ANKRD53: variants seen among roughly 807,000 people sequenced by gnomAD.
ANKRD53 encodes the protein ankyrin repeat domain 53.
In ANKRD53, 27 loss-of-function variants were observed where a neutral mutation model predicts 30.1. That is an observed-to-expected ratio of 0.90 (90% CI 0.66 to 1.24). ANKRD53 has a LOEUF of 1.24. Among genes scored for constraint, ANKRD53 ranks in the 50% most tolerant of loss-of-function variants. ANKRD53 has a pLI of 0.00. For synonymous variants in ANKRD53, 286 were observed against 295.4 expected, an observed-to-expected ratio of 0.97 and a Z score of 0.33; for missense variants, 682 against 721.0, an observed-to-expected ratio of 0.95 and a Z score of 0.62.
chr2:70,978,860 C>T lies in ANKRD53; in HGVS notation c.170+45C>T, dbSNP rs566498186. The T allele has an allele frequency of 2.4e-5, 37 of 1,529,726 alleles. No individual in the cohort carries two copies. The highest frequency in any genetic ancestry group is 3.1e-5 in the Non-Finnish European group (35 of 1,137,142). 94.8% of individuals were successfully genotyped at this position (1,529,726 alleles called of 1,614,324 possible). ...GTCCCGGCTGCAGGGAGCGAGAACC[C>T]GGCCCAGCGCCTCCCTGGTGGGCAG... On this transcript the variant is annotated intron_variant, in intron 1 of 5. Transcript: ENST00000360589. The surrounding 1 kb of genome is among the most constrained non-coding windows in gnomAD (Gnocchi z 4.3).
At chr2:70,981,645 T>C (rs1383174847) in intron 3 of ANKRD53, among the ~76,000 whole-genome samples, 8 of 152,096 alleles carry the variant, frequency 5.3e-5, no homozygotes, top group African/African-American at 1.9e-4. Context: ...AGGGGGCTGG[T>C]TGGTTTAAGA....
intron 5 of ANKRD53, chr2:70,984,110 T>C: frequency 6.2e-7 from 1 of 1,609,140 alleles, no homozygotes; most frequent in Non-Finnish European, 8.5e-7. Flanking sequence ...TCCTTTCTGC[T>C]TTCTCTTTCC....
rs1026862494 is a variant in ANKRD53, at chr2:70,985,091, C to G, written c.1384C>G (p.Arg462Gly). ...FEVLLRMLYP[R>G]VWPYRMKVPQ... Reference sequence around the variant, plus strand: ...GGTGCTGCTGCGCATGCTGTACCCACGTGTATGGCCATACAGAATGAAGGT... The same window carrying G: ...GGTGCTGCTGCGCATGCTGTACCCAGGTGTATGGCCATACAGAATGAAGGT... The change falls in exon 6 of 6, where the codon CGT becomes GGT. Residue 462 changes from arginine (R) to glycine (G), a missense_variant. Transcript: ENST00000360589. 8 of 1,550,692 alleles carry G rather than the reference C, an allele frequency of 5.2e-6. No individual in the cohort carries two copies. Among genetic ancestry groups the G allele is most frequent in the Non-Finnish European group, 5.2e-6 (6 of 1,147,012 alleles).
At chr2:70,983,154 T>C (rs1288497518) in intron 5 of ANKRD53, among the ~76,000 whole-genome samples, 2 of 151,796 alleles carry the variant, frequency 1.3e-5, no homozygotes, top group Admixed American at 6.6e-5. Flanking sequence ...GAGCTTAGAG[T>C]CTAGCAGAGG....
intron 3 of ANKRD53, among the ~76,000 whole-genome samples, chr2:70,981,227 C>T (rs1484986058): frequency 6.6e-6 from 1 of 152,194 alleles, no homozygotes; most frequent in East Asian, 1.9e-4. Flanking sequence ...AAGCACTATG[C>T]TAGAGTCACA....
chr2:70,985,026 ACGGCCACTGGGTGGCGCCCGTGCCG>A lies in ANKRD53; in HGVS notation c.1324_1348del (p.His442CysfsTer19). The stretch of plus-strand genomic sequence containing the variant: ...GGCGGTGCGCGGCTGCACACAGTGG[ACGGCCACTGGGTGGCGCCCGTGCCG>A]CGGCTGCCTTTTGAGGTGCTGCTGC... On this transcript the variant is annotated frameshift_variant, in exon 6 of 6. Transcript: ENST00000360589. LOFTEE classifies it low-confidence loss of function (END_TRUNC). The A allele has an allele frequency of 6.5e-7, 1 of 1,549,340 alleles. No individual in the cohort carries two copies. The highest frequency in any genetic ancestry group is 1.2e-5 in the South Asian group (1 of 83,996).
At position 70,985,266 on chromosome 2, in the gene ANKRD53, T is replaced by TC; in HGVS notation, c.1563dup (p.Thr522HisfsTer26). On this transcript the variant is annotated frameshift_variant, in exon 6 of 6. Coordinates refer to ENST00000360589, the MANE Select transcript of ANKRD53 (RefSeq NM_001115116.2). LOFTEE classifies it low-confidence loss of function (END_TRUNC). ...GCAGCTGTGCGATCTCATCAAGGAC[T>TC]CCCCACCCTGCCCTCCCCACAAACC... 6.5e-7 allele frequency: 1 copy of TC among 1,544,480 alleles called. No homozygotes were observed. Among genetic ancestry groups the TC allele is most frequent in the Non-Finnish European group, 8.8e-7 (1 of 1,141,454 alleles).
In ANKRD53 at chr2:70,979,414, A is replaced by C. The variant is rs1669932647; in HGVS notation, c.417+71A>C. On this transcript the variant is annotated intron_variant, in intron 2 of 5. Coordinates refer to ENST00000360589, the MANE Select transcript of ANKRD53 (RefSeq NM_001115116.2). ...TACGCTGCTCGGAGTGGTCACCTGG[A>C]GAAGAGATATCCTTTTCTGGGTAGA... is the stretch of plus-strand genomic sequence containing the variant. 3.8e-6 allele frequency: 6 copies of C among 1,596,164 alleles called. No individual in the cohort carries two copies. The Admixed American group carries it at 6.8e-5, about 18-fold the overall frequency.
chr2:70,979,457 ATCTTCTGGCT>A, intron 2 of ANKRD53, 114 bp downstream of exon 2: 1 of 1,517,626 alleles, frequency 6.6e-7, no homozygotes, highest in Non-Finnish European at 8.9e-7. Flanking sequence ...AATTTAACTC[ATCTTCTGGCT>A]GTGGAAGGAC....
In ANKRD53 at chr2:70,984,892, C is replaced by T. The variant is rs1315540903; in HGVS notation, c.1185C>T (p.Pro395=). The T allele has an allele frequency of 1.2e-5, 19 of 1,550,882 alleles. No homozygotes were observed. The highest frequency in any genetic ancestry group is 1.3e-5 in the Non-Finnish European group (15 of 1,146,918). The change falls in exon 6 of 6, where the codon CCC becomes CCT. Residue 395 remains proline, a synonymous_variant. Coordinates refer to ENST00000360589, the MANE Select transcript of ANKRD53 (RefSeq NM_001115116.2). ...ATGTTAGCAACAACCCCGCCAGACC[C>T]CCCACCACCCAGATCAGCCACTCGC... ...MWNVSNNPAR[P]PTTQISHSQG... is the part of the protein sequence containing the mutation.
chr2:70,984,240 T>C (rs782750796), intron 5 of ANKRD53: 5 of 1,614,208 alleles, frequency 3.1e-6, no homozygotes, highest in East Asian at 4.5e-5. Flanking sequence ...AAGAAGGGAA[T>C]TGTCTTTCTG....
chr2:70,985,498 C>CG lies in ANKRD53; in HGVS notation c.*198_*199insG, dbSNP rs1553424779. The stretch of plus-strand genomic sequence containing the variant: ...GCAAATAAATCTCTTGGCACCCCCC[C>CG]ACCGCCGCCAGGAAATCCAAGTTAG... On this transcript the variant is annotated 3_prime_UTR_variant, in exon 6 of 6. Coordinates refer to ENST00000360589, the MANE Select transcript of ANKRD53 (RefSeq NM_001115116.2). 3.1e-5 allele frequency: 18 copies of CG among 584,772 alleles called. No individual in the cohort carries two copies. Among genetic ancestry groups the CG allele is most frequent in the Non-Finnish European group, 2.4e-5 (8 of 335,430 alleles). The allele number at this position is 584,772 out of a possible 1,614,324, so 36.2% of individuals were successfully genotyped here.
intron 3 of ANKRD53, 21 bp from the exon 4 acceptor site, chr2:70,981,915 C>CT: frequency 6.5e-7 from 1 of 1,541,522 alleles, no homozygotes; most frequent in Non-Finnish European, 8.8e-7. Flanking sequence ...CCCTTATCCC[C>CT]ACTGGTGGGG....
chr2:70,984,358 T>G (rs1437206306), intron 5 of ANKRD53: 1 of 1,593,198 alleles, frequency 6.3e-7, no homozygotes, highest in Non-Finnish European at 8.5e-7. Context: ...GATCCCCCCT[T>G]TGGGAGAGGT....
chr2:70,983,374 C>T (rs782752830), intron 5 of ANKRD53, among the ~76,000 whole-genome samples: 11 of 152,234 alleles, frequency 7.2e-5, no homozygotes, highest in Non-Finnish European at 1.5e-4. Context: ...AGCTGGGGAT[C>T]AGATGTAAGT....
chr2:70,982,862 C>G lies in ANKRD53; in HGVS notation c.903+165C>G, dbSNP rs540592781. Among the ~76,000 whole-genome samples, 1 of 152,312 alleles carries G rather than the reference C, an allele frequency of 6.6e-6. No homozygotes were observed. The highest frequency in any genetic ancestry group is 2.4e-5 in the African/African-American group (1 of 41,570). Reference sequence around the variant, plus strand: ...CGGGTACTCTGACTGAAATTCCGCTCTTTTAAATAAGCCAGTCTTTTGGTC... The same window carrying G: ...CGGGTACTCTGACTGAAATTCCGCTGTTTTAAATAAGCCAGTCTTTTGGTC... On this transcript the variant is annotated intron_variant, in intron 5 of 5. Transcript: ENST00000360589. The surrounding 1 kb of genome is among the most constrained non-coding windows in gnomAD (Gnocchi z 4.2).
chr2:70,978,582 G>T (rs1669894989), upstream of ANKRD53: 1 of 1,419,230 alleles, frequency 7.0e-7, no homozygotes, highest in African/African-American at 1.5e-5. This position sits in a 1 kb window ranked among gnomAD's most constrained non-coding sequence, Gnocchi z 4.3. Context: ...GTGGCCCCCG[G>T]GGGCGGGGCG....
chr2:70,982,350 G>T lies in ANKRD53; in HGVS notation c.783-227G>T. On this transcript the variant is annotated intron_variant, in intron 4 of 5. Coordinates refer to ENST00000360589, the MANE Select transcript of ANKRD53 (RefSeq NM_001115116.2). This position sits in a 1 kb window ranked among gnomAD's most constrained non-coding sequence, Gnocchi z 4.2. Reference sequence around the variant, plus strand: ...CTCCTTTCCTGCCCTGGGGCCCCTGGCTCCTCAGCAGGAGGGTGGTGACCA... The same window carrying T: ...CTCCTTTCCTGCCCTGGGGCCCCTGTCTCCTCAGCAGGAGGGTGGTGACCA... The T allele has an allele frequency of 1.3e-6, 1 of 753,000 alleles. No homozygotes were observed. The allele number at this position is 753,000 out of a possible 1,614,324, so 46.6% of individuals were successfully genotyped here.
Position 70,978,994 on chromosome 2 carries a change from TC to T in ANKRD53, c.171-99del. The T allele has an allele frequency of 6.9e-7, 1 of 1,455,596 alleles. No homozygotes were observed. 90.2% of individuals were successfully genotyped at this position (1,455,596 alleles called of 1,614,324 possible). On this transcript the variant is annotated intron_variant, in intron 1 of 5. Coordinates refer to ENST00000360589, the MANE Select transcript of ANKRD53 (RefSeq NM_001115116.2). This position sits in a 1 kb window ranked among gnomAD's most constrained non-coding sequence, Gnocchi z 4.3. ...GCCTAGGCCGTGGCCCAGAGTCGCT[TC>T]CCCACTGCCCCGCCCACCAGCCAGG...
Sources: gnomAD v4.1 joint callset for allele counts (sites outside exome capture counted in the v4.1 genomes callset) on GRCh38, gnomAD v4.1.1 for gene constraint, Gnocchi (gnomAD v3.1) non-coding constraint, MANE v1.5 for transcripts, NCBI Gene and HGNC (gene_info 2026-07-23, HGNC 2026-07-21) for gene names.